The following PTPRK variants were observed in gnomAD, a reference collection of about 807,000 sequenced individuals.
PTPRK encodes the protein receptor-type tyrosine-protein phosphatase kappa.
Under a neutral mutation model 178.0 loss-of-function variants are expected in PTPRK, and 75 were observed. The ratio of observed to expected loss-of-function variants is 0.42; its 90% CI spans 0.35 to 0.51. The LOEUF (loss-of-function observed/expected upper bound fraction) is 0.51, where lower values mean the gene tolerates loss of function less well. Ranked by LOEUF, PTPRK falls within the 20% of genes least tolerant of loss-of-function variation. The pLI, the probability that PTPRK is intolerant of heterozygous loss-of-function variation, is 0.02. For synonymous variants in PTPRK, 637 were observed against 620.6 expected (o/e 1.03, Z -0.39); for missense variants, 1,441 against 1,797.8 (o/e 0.80, Z 3.59).
At chr6:128,238,288 A>G (rs1190077065) in intron 5 of PTPRK, 1 of 365,914 alleles carries the variant, frequency 2.7e-6, no homozygotes, top group Non-Finnish European at 5.2e-6. Context: ...TTGCTACAAA[A>G]ATGGCAGGAG....
chr6:128,508,441 A>C (rs543578029), intron 1 of PTPRK, among the ~76,000 whole-genome samples: 1 of 150,854 alleles, frequency 6.6e-6, no homozygotes, highest in Admixed American at 6.6e-5. Context: ...GAAAATTTTT[A>C]AAAGGAAAAA....
chr6:128,307,146 T>A (rs1826508897), intron 3 of PTPRK, among the ~76,000 whole-genome samples: 1 of 122,062 alleles, frequency 8.2e-6, no homozygotes, highest in Non-Finnish European at 1.6e-5. Flanking sequence ...GGCTCAGAGC[T>A]CAGAAGAAAA....
intron 13 of PTPRK, among the ~76,000 whole-genome samples, chr6:128,052,324 T>C (rs1779153228): frequency 6.6e-6 from 1 of 152,206 alleles, no homozygotes; most frequent in Non-Finnish European, 1.5e-5. Flanking sequence ...TTAACTACTG[T>C]CTAAACTTCA....
intron 7 of PTPRK, among the ~76,000 whole-genome samples, chr6:128,166,891 C>G (rs1011064341): frequency 3.3e-5 from 5 of 151,540 alleles, no homozygotes; most frequent in African/African-American, 7.3e-5. Flanking sequence ...AAAATAAAGG[C>G]CAGTTGAATA....
At chr6:128,355,547 T>C (rs1185779884) in intron 2 of PTPRK, among the ~76,000 whole-genome samples, 1 of 152,054 alleles carries the variant, frequency 6.6e-6, no homozygotes, top group Non-Finnish European at 1.5e-5. Context: ...TAGGTGCATG[T>C]ATCATAGACA....
chr6:128,005,244 G>T lies in PTPRK; in HGVS notation c.2334C>A (p.Ser778Arg). 1 of 1,610,808 alleles carries T rather than the reference G, an allele frequency of 6.2e-7. No individual in the cohort carries two copies. The highest frequency in any genetic ancestry group is 8.5e-7 in the Non-Finnish European group (1 of 1,178,092). The change falls in exon 15 of 30, where the codon AGC becomes AGA. Residue 778 changes from serine (S) to arginine (R), a missense_variant and splice_region_variant. Ser to Arg is a moderately radical substitution (Grantham distance 110, BLOSUM62 -1). This residue lies in a region of PTPRK where 945 missense variants were observed against 1,080.6 expected (regional missense o/e 0.87). Coordinates refer to ENST00000368226, the MANE Select transcript of PTPRK (RefSeq NM_002844.4). Reference protein sequence around the residue: ...LLVVILIVKKSKLAKKRKDAM... With the variant: ...LLVVILIVKKRKLAKKRKDAM... The stretch of plus-strand genomic sequence containing the variant: ...CATCTTTGCGTTTTTTAGCAAGTTT[G>T]CTGCCAAGGCAAATACAAAAGGGCA...
At chr6:128,400,925 A>T (rs901268454) in intron 1 of PTPRK, among the ~76,000 whole-genome samples, 1 of 152,200 alleles carries the variant, frequency 6.6e-6, no homozygotes, top group Non-Finnish European at 1.5e-5. Context: ...GGTGTTCAAG[A>T]AATTTAGTTA....
At chr6:128,320,563 G>A (rs1189467394) in intron 3 of PTPRK, among the ~76,000 whole-genome samples, 1 of 152,148 alleles carries the variant, frequency 6.6e-6, no homozygotes, top group Admixed American at 6.6e-5. Context: ...TTTAAGGAGT[G>A]TGCTAGATTA....
chr6:127,972,880 T>C (rs565260702), intron 29 of PTPRK, 142 bp downstream of exon 29: 6 of 708,348 alleles, frequency 8.5e-6, no homozygotes, highest in East Asian at 8.3e-5. Flanking sequence ...TGCTCAGCAA[T>C]GTATTAATTA....
At chr6:128,482,060 C>T (rs1030499139) in intron 1 of PTPRK, among the ~76,000 whole-genome samples, 3 of 152,056 alleles carry the variant, frequency 2.0e-5, no homozygotes, top group Non-Finnish European at 2.9e-5. Context: ...GGCAATGACA[C>T]GAATTAGCAA....
chr6:128,236,801 T>C (rs1236743784), intron 5 of PTPRK, among the ~76,000 whole-genome samples: 2 of 152,344 alleles, frequency 1.3e-5, no homozygotes, highest in East Asian at 1.9e-4. Flanking sequence ...TCATTTAGCA[T>C]GTACAAGAAG....
At chr6:128,189,298 G>A (rs1326319115) in intron 6 of PTPRK, among the ~76,000 whole-genome samples, 3 of 141,154 alleles carry the variant, frequency 2.1e-5, no homozygotes. Flanking sequence ...GGAGTGCAAT[G>A]GAGCAGTCTC....
At chr6:128,046,371 G>GA (rs1402553332) in intron 13 of PTPRK, among the ~76,000 whole-genome samples, 1 of 152,020 alleles carries the variant, frequency 6.6e-6, no homozygotes, top group Non-Finnish European at 1.5e-5. Flanking sequence ...GCACTCAGAG[G>GA]AAAAACTACA....
intron 11 of PTPRK, among the ~76,000 whole-genome samples, chr6:128,077,206 G>A (rs1783986000): frequency 6.6e-6 from 1 of 151,940 alleles, no homozygotes; most frequent in Non-Finnish European, 1.5e-5. Context: ...GAATGACCCT[G>A]ATTACTTGTC....
chr6:128,115,349 A>C (rs1791326245), intron 7 of PTPRK, among the ~76,000 whole-genome samples: 1 of 152,150 alleles, frequency 6.6e-6, no homozygotes. Flanking sequence ...TTCTATAGCC[A>C]CATATAAAAT....
At chr6:128,211,779 C>T (rs1282168296) in intron 6 of PTPRK, among the ~76,000 whole-genome samples, 2 of 151,950 alleles carry the variant, frequency 1.3e-5, no homozygotes, top group Non-Finnish European at 2.9e-5. Context: ...TGGTAGAGAA[C>T]CCTGCTATTA....
intron 5 of PTPRK, among the ~76,000 whole-genome samples, chr6:128,234,270 C>T (rs972766157): frequency 2.0e-5 from 3 of 152,172 alleles, no homozygotes; most frequent in African/African-American, 7.2e-5. Context: ...CCATCTATGG[C>T]TTGATTAGCA....
intron 11 of PTPRK, among the ~76,000 whole-genome samples, chr6:128,070,634 T>C (rs774219754): frequency 7.4e-4 from 113 of 152,036 alleles, no homozygotes; most frequent in Non-Finnish European, 1.4e-3. Context: ...TAGTTGGAGA[T>C]AACCTGGTCA....
intron 6 of PTPRK, among the ~76,000 whole-genome samples, chr6:128,200,416 C>T (rs1393725312): frequency 1.3e-5 from 2 of 152,030 alleles, no homozygotes; most frequent in Non-Finnish European, 2.9e-5. Flanking sequence ...AGTAAACTTC[C>T]TCCACAGCAT....
Sources: allele counts gnomAD v4.1 joint callset (sites outside exome capture counted in the v4.1 genomes callset), GRCh38; gene constraint gnomAD v4.1.1; regional missense constraint gnomAD v4.1.1; transcripts MANE v1.5; gene names NCBI Gene and HGNC (gene_info 2026-07-23, HGNC 2026-07-21).